PZP: variants seen among roughly 807,000 people sequenced by gnomAD.
PZP encodes PZP alpha-2-macroglobulin like, also known as pregnancy zone protein.
Under a neutral mutation model 179.8 loss-of-function variants are expected in PZP, and 150 were observed. The observed-to-expected ratio is 0.83, with a 90% CI of 0.73 to 0.96. The LOEUF is 0.96. PZP is among the 40% of genes least tolerant of loss of function. PZP has a pLI of 0.00. For synonymous variants in PZP, 624 were observed against 652.3 expected (o/e 0.96, Z 0.66); for missense variants, 1,689 against 1,764.0 (o/e 0.96, Z 0.76).
intron 35 of PZP, 105 bp downstream of exon 35, chr12:9,149,456 A>G (rs1414057937): frequency 8.7e-7 from 1 of 1,152,234 alleles, no homozygotes; most frequent in Non-Finnish European, 1.2e-6. Flanking sequence ...TGCCATGTGG[A>G]TTGTCTCAGA....
chr12:9,145,378 T>C (rs1480412441), downstream of PZP, among the ~76,000 whole-genome samples: 3 of 152,224 alleles, frequency 2.0e-5, no homozygotes, highest in Non-Finnish European at 4.4e-5. Flanking sequence ...CTACACAAAA[T>C]ATCTTGTAGT....
downstream of PZP, among the ~76,000 whole-genome samples, chr12:9,144,177 G>C (rs1428398174): frequency 6.6e-6 from 1 of 152,086 alleles, no homozygotes; most frequent in Non-Finnish European, 1.5e-5. Flanking sequence ...GAGAGAGAGA[G>C]AGAGAGAGAC....
chr12:9,143,015 A>G, the PZP span, among the ~76,000 whole-genome samples: 1 of 152,264 alleles, frequency 6.6e-6, no homozygotes, highest in Non-Finnish European at 1.5e-5. Context: ...CAGGAAAACA[A>G]GATTTATGAA....
chr12:9,169,711 T>C (rs933472280), intron 15 of PZP, 120 bp from the exon 16 acceptor site: 2 of 928,434 alleles, frequency 2.2e-6, no homozygotes, highest in African/African-American at 3.4e-5. Flanking sequence ...ATGTAGTTGG[T>C]ACCTTAGAGA....
At chr12:9,149,649 T>A in intron 34 of PZP, 47 bp from the exon 35 acceptor site, 1 of 1,583,840 alleles carries the variant, frequency 6.3e-7, no homozygotes, top group Non-Finnish European at 8.6e-7. Context: ...ATCTATGAAC[T>A]AGGGACCATG....
At chr12:9,194,526 G>A (rs1224900174) in intron 10 of PZP, among the ~76,000 whole-genome samples, 4 of 144,750 alleles carry the variant, frequency 2.8e-5, no homozygotes, top group Admixed American at 7.1e-5. Flanking sequence ...GTGCAGTGGC[G>A]CGATCTCGGC....
chr12:9,189,766 A>G (rs774870772), intron 13 of PZP, among the ~76,000 whole-genome samples: 1 of 152,232 alleles, frequency 6.6e-6, no homozygotes, highest in Non-Finnish European at 1.5e-5. Context: ...AATATCTAGC[A>G]TCTGTATAGA....
intron 10 of PZP, 109 bp downstream of exon 10, chr12:9,196,221 G>T: frequency 3.1e-6 from 2 of 648,668 alleles, no homozygotes; most frequent in East Asian, 2.7e-5. Flanking sequence ...ATGGTTTTTG[G>T]TCATATTAAT....
chr12:9,190,734 G>C (rs185186002), intron 13 of PZP, among the ~76,000 whole-genome samples: 1 of 152,214 alleles, frequency 6.6e-6, no homozygotes. Flanking sequence ...TAAAATTTGA[G>C]AAGATTTCAT....
At chr12:9,158,678 A>T in intron 25 of PZP, 102 bp from the exon 26 acceptor site, 1 of 1,153,932 alleles carries the variant, frequency 8.7e-7, no homozygotes, top group Non-Finnish European at 1.2e-6. Context: ...CACCCAAGAA[A>T]GTCAATCAGC....
At chr12:9,161,337 T>C (rs1253586824) in intron 22 of PZP, among the ~76,000 whole-genome samples, 1 of 152,236 alleles carries the variant, frequency 6.6e-6, no homozygotes, top group Non-Finnish European at 1.5e-5. Context: ...TGAGCAATTG[T>C]TATTATTGCA....
At chr12:9,177,905 A>G (rs563575779) in intron 15 of PZP, among the ~76,000 whole-genome samples, 2 of 152,222 alleles carry the variant, frequency 1.3e-5, no homozygotes, top group Admixed American at 6.5e-5. Flanking sequence ...CTAGACTTCC[A>G]TAAACAGAGA....
chr12:9,180,264 A>G (rs1942669840), intron 15 of PZP, among the ~76,000 whole-genome samples: 1 of 152,144 alleles, frequency 6.6e-6, no homozygotes, highest in Non-Finnish European at 1.5e-5. Flanking sequence ...CCATCAAGCT[A>G]CCAATGACTT....
intron 13 of PZP, among the ~76,000 whole-genome samples, chr12:9,187,092 A>AAG: frequency 6.6e-6 from 1 of 151,756 alleles, no homozygotes; most frequent in East Asian, 1.9e-4. Context: ...AAAAAAAAAA[A>AAG]AGACAAGAGA....
intron 6 of PZP, among the ~76,000 whole-genome samples, 189 bp from the exon 7 acceptor site, chr12:9,200,637 G>A (rs1418550307): frequency 6.6e-6 from 1 of 152,122 alleles, no homozygotes; most frequent in Non-Finnish European, 1.5e-5. Flanking sequence ...TGAGCACAGC[G>A]GGTCTCAGTG....
At chr12:9,158,053 C>T (rs1167239736) in intron 26 of PZP, among the ~76,000 whole-genome samples, 2 of 152,204 alleles carry the variant, frequency 1.3e-5, no homozygotes, top group Non-Finnish European at 2.9e-5. Context: ...TAGGCTCAAG[C>T]AATTTTGCTG....
intron 7 of PZP, among the ~76,000 whole-genome samples, chr12:9,197,901 A>G (rs60600457): frequency 7.9e-6 from 1 of 126,342 alleles, no homozygotes; most frequent in East Asian, 2.1e-4. Flanking sequence ...TATAAATTAT[A>G]TATATTTATA....
At chr12:9,193,002 A>G (rs1351981160) in intron 11 of PZP, among the ~76,000 whole-genome samples, 2 of 152,208 alleles carry the variant, frequency 1.3e-5, no homozygotes, top group African/African-American at 4.8e-5. Context: ...CCTCAGAACT[A>G]GAGGAAAAAT....
the PZP span, among the ~76,000 whole-genome samples, chr12:9,142,596 A>G: frequency 1.3e-5 from 2 of 152,188 alleles, no homozygotes; most frequent in African/African-American, 4.8e-5. Context: ...AGGCCAGTCA[A>G]TTAGAGCTTT....
Sources: allele counts gnomAD v4.1 joint callset (sites outside exome capture counted in the v4.1 genomes callset), GRCh38; gene constraint gnomAD v4.1.1; transcripts MANE v1.5; gene names NCBI Gene and HGNC (gene_info 2026-07-23, HGNC 2026-07-21).